CNTNAP2: variants seen among roughly 807,000 people sequenced by gnomAD.
The protein encoded by CNTNAP2 is contactin associated protein 2.
Under a neutral mutation model 155.2 loss-of-function variants are expected in CNTNAP2, and 98 were observed. The observed-to-expected ratio is 0.63, with a 90% CI of 0.54 to 0.75. CNTNAP2 has a LOEUF of 0.75. Among genes scored for constraint, CNTNAP2 ranks in the 30% least tolerant of loss-of-function variants. The pLI is 0.00. For synonymous variants in CNTNAP2, 651 were observed against 631.2 expected, an observed-to-expected ratio of 1.03 and a Z score of -0.47; for missense variants, 1,727 against 1,688.1, an observed-to-expected ratio of 1.02 and a Z score of -0.40.
intron 13 of CNTNAP2, among the ~76,000 whole-genome samples, chr7:147,792,209 A>T (rs1467400819): frequency 9.2e-5 from 14 of 152,218 alleles, no homozygotes; most frequent in Admixed American, 9.2e-4. Flanking sequence ...TGAAGATACA[A>T]TTCACCACTG....
chr7:147,671,476 G>T (rs114222898), intron 13 of CNTNAP2, among the ~76,000 whole-genome samples: 2,804 of 152,240 alleles, frequency 0.018, 88 homozygotes, highest in African/African-American at 0.064. Context: ...CTCATGAAAA[G>T]CTGGTGTCCA....
intron 10 of CNTNAP2, among the ~76,000 whole-genome samples, chr7:147,432,376 G>T (rs1357170557): frequency 4.6e-5 from 7 of 152,180 alleles, no homozygotes; most frequent in Non-Finnish European, 8.8e-5. Context: ...TTAGAAGGAA[G>T]ATAAGAGACA....
chr7:146,141,991 A>T (rs1797887543), intron 1 of CNTNAP2, among the ~76,000 whole-genome samples: 1 of 152,194 alleles, frequency 6.6e-6, no homozygotes, highest in Non-Finnish European at 1.5e-5. Flanking sequence ...AGATACTGAC[A>T]GCTGCTATGA....
intron 1 of CNTNAP2, among the ~76,000 whole-genome samples, chr7:146,661,283 G>C (rs906758873): frequency 6.6e-6 from 1 of 151,656 alleles, no homozygotes; most frequent in Admixed American, 6.6e-5. Flanking sequence ...AGGGCTTTTA[G>C]GTTTTTTTTT....
chr7:147,601,105 A>G (rs568142404), intron 12 of CNTNAP2, among the ~76,000 whole-genome samples: 2 of 152,098 alleles, frequency 1.3e-5, no homozygotes, highest in Non-Finnish European at 2.9e-5. Context: ...CTCAGCCTCA[A>G]CAGGTTTCCA....
At chr7:147,140,445 A>T (rs1476206163) in intron 8 of CNTNAP2, among the ~76,000 whole-genome samples, 2 of 151,864 alleles carry the variant, frequency 1.3e-5, no homozygotes, top group African/African-American at 4.8e-5. Flanking sequence ...GACATGGTTG[A>T]CTTGATTATT....
At chr7:146,348,335 G>A (rs899234001) in intron 1 of CNTNAP2, among the ~76,000 whole-genome samples, 1 of 152,168 alleles carries the variant, frequency 6.6e-6, no homozygotes, top group African/African-American at 2.4e-5. Flanking sequence ...TGAGGCAGGA[G>A]AATCGCTTGA....
intron 1 of CNTNAP2, among the ~76,000 whole-genome samples, chr7:146,755,021 T>A (rs1018590219): frequency 1.2e-4 from 18 of 151,870 alleles, no homozygotes; most frequent in Non-Finnish European, 2.5e-4. Context: ...ATTAGCCCAA[T>A]TTATAAGAGT....
At chr7:147,965,280 G>T (rs757111501) in intron 14 of CNTNAP2, among the ~76,000 whole-genome samples, 39 of 152,070 alleles carry the variant, frequency 2.6e-4, no homozygotes, top group Non-Finnish European at 1.5e-4. Flanking sequence ...AAGCAATGTT[G>T]GCAAATTGAT....
chr7:148,069,272 A>G (rs982912075), intron 15 of CNTNAP2, among the ~76,000 whole-genome samples: 12 of 152,194 alleles, frequency 7.9e-5, no homozygotes, highest in African/African-American at 2.7e-4. Flanking sequence ...AAAGTTTTAT[A>G]AGGACTTCAT....
intron 1 of CNTNAP2, among the ~76,000 whole-genome samples, chr7:146,343,339 TTC>T (rs1361529966): frequency 6.6e-6 from 1 of 152,104 alleles, no homozygotes; most frequent in Admixed American, 6.6e-5. Context: ...ATTTCACACC[TTC>T]TCTCTCTGTC....
intron 21 of CNTNAP2, among the ~76,000 whole-genome samples, chr7:148,349,732 A>T (rs1798394872): frequency 6.6e-6 from 1 of 152,160 alleles, no homozygotes; most frequent in African/African-American, 2.4e-5. Flanking sequence ...AAAGTTTACA[A>T]ATTTTTGTTT....
chr7:148,277,387 G>A (rs1033940844), intron 21 of CNTNAP2, among the ~76,000 whole-genome samples: 1 of 152,114 alleles, frequency 6.6e-6, no homozygotes, highest in Non-Finnish European at 1.5e-5. Context: ...TCCCACTTGA[G>A]AGACCCCTAA....
intron 15 of CNTNAP2, among the ~76,000 whole-genome samples, chr7:148,091,492 G>A (rs962526317): frequency 6.6e-6 from 1 of 152,150 alleles, no homozygotes; most frequent in Non-Finnish European, 1.5e-5. Context: ...TTTGGCTGAT[G>A]TATGGTCCAG....
At chr7:146,636,009 A>T (rs943640143) in intron 1 of CNTNAP2, among the ~76,000 whole-genome samples, 1 of 152,144 alleles carries the variant, frequency 6.6e-6, no homozygotes, top group Non-Finnish European at 1.5e-5. Context: ...ATAGTATTAA[A>T]CAGTACATTA....
intron 1 of CNTNAP2, among the ~76,000 whole-genome samples, chr7:146,730,828 A>T (rs1450989054): frequency 6.6e-6 from 1 of 152,116 alleles, no homozygotes; most frequent in Admixed American, 6.6e-5. Context: ...ATTCCTAAGG[A>T]TGCCTTCTAT....
At position 146,774,174 on chromosome 7, in the gene CNTNAP2, A is replaced by G. The variant is rs940919254; in HGVS notation, c.98-97A>G. The G allele has an allele frequency of 3.7e-5, 31 of 831,000 alleles. 1 individual carries two copies. The Middle Eastern group carries it at 6.6e-4, about 18-fold the overall frequency. 51.5% of individuals were successfully genotyped at this position (831,000 alleles called of 1,614,324 possible). On this transcript the variant is annotated intron_variant, in intron 1 of 23. Coordinates refer to ENST00000361727, the MANE Select transcript of CNTNAP2 (RefSeq NM_014141.6). ...ATATTGTTTCAAAGATACATAAAAG[A>G]CATATCAGATTCAATGATTTTTTAA...
At chr7:146,339,129 C>T (rs1018131573) in intron 1 of CNTNAP2, among the ~76,000 whole-genome samples, 6 of 152,122 alleles carry the variant, frequency 3.9e-5, no homozygotes, top group African/African-American at 9.6e-5. Flanking sequence ...CTCTGTCTCT[C>T]TCAGTCATTA....
chr7:147,348,899 C>A (rs1301213691), intron 9 of CNTNAP2, among the ~76,000 whole-genome samples: 1 of 151,954 alleles, frequency 6.6e-6, no homozygotes, highest in Non-Finnish European at 1.5e-5. Flanking sequence ...AAGTTCACCA[C>A]CACATGTTCT....
Sources: gnomAD v4.1 joint callset for allele counts (sites outside exome capture counted in the v4.1 genomes callset) on GRCh38, gnomAD v4.1.1 for gene constraint, MANE v1.5 for transcripts, NCBI Gene and HGNC (gene_info 2026-07-23, HGNC 2026-07-21) for gene names.